Variants in PIK3CA observed in about 807,000 individuals in gnomAD.
PIK3CA encodes phosphatidylinositol-4,5-bisphosphate 3-kinase catalytic subunit alpha.
In PIK3CA, 27 loss-of-function variants were observed where a neutral mutation model predicts 138.2. That is an observed-to-expected ratio of 0.20 (90% CI 0.14 to 0.27). PIK3CA has a LOEUF of 0.27. Among genes scored for constraint, PIK3CA ranks in the 10% least tolerant of loss-of-function variants. The pLI is 1.00. For missense variants in PIK3CA, 544 were observed against 1,277.4 expected (o/e 0.43, Z 8.75); for synonymous variants, 358 against 413.2 (o/e 0.87, Z 1.62).
intron 1 of PIK3CA, among the ~76,000 whole-genome samples, chr3:179,195,214 A>G (rs942286382): frequency 6.6e-6 from 1 of 151,568 alleles, no homozygotes. Flanking sequence ...TTAGCACTTG[A>G]AATCTAACTT....
At chr3:179,205,809 G>A (rs1260373024) in intron 6 of PIK3CA, among the ~76,000 whole-genome samples, 3 of 152,142 alleles carry the variant, frequency 2.0e-5, no homozygotes, top group Non-Finnish European at 4.4e-5. Context: ...ATTGTTATTG[G>A]ACTTTATGAT....
chr3:179,170,879 C>T (rs1487086220), intron 1 of PIK3CA, among the ~76,000 whole-genome samples: 1 of 152,152 alleles, frequency 6.6e-6, no homozygotes, highest in African/African-American at 2.4e-5. Flanking sequence ...CTTCTCTCAA[C>T]AGTTGATAGG....
At chr3:179,201,957 G>A (rs746461136) in intron 4 of PIK3CA, among the ~76,000 whole-genome samples, 17 of 152,150 alleles carry the variant, frequency 1.1e-4, no homozygotes, top group African/African-American at 1.9e-4. Flanking sequence ...AGTAAATAGC[G>A]TTTGTAAGCT....
intron 9 of PIK3CA, among the ~76,000 whole-genome samples, chr3:179,212,538 AG>A (rs1277228986): frequency 2.0e-5 from 3 of 151,762 alleles, no homozygotes; most frequent in Non-Finnish European, 4.4e-5. Flanking sequence ...TGGGAGATGG[AG>A]GTTGCAGTGA....
Position 179,234,199 on chromosome 3 carries a change from A to G in PIK3CA, c.3042A>G (p.Gln1014=), listed in dbSNP as rs527991739. ...TTGGCTCTGGAATGCCAGAACTACA[A>G]TCTTTTGATGACATTGCATACATTC... ...MMLGSGMPEL[Q]SFDDIAYIRK... Residue 1014 remains glutamine (Q), a synonymous_variant, in exon 21 of 21, where the codon CAA becomes CAG. Coordinates refer to ENST00000263967, the MANE Select transcript of PIK3CA (RefSeq NM_006218.4). The surrounding 1 kb of genome is among the most constrained non-coding windows in gnomAD (Gnocchi z 5.1). 2.7e-5 allele frequency: 44 copies of G among 1,613,772 alleles called. No homozygotes were observed. The highest frequency in any genetic ancestry group is 1.9e-4 in the South Asian group (17 of 91,060).
chr3:179,212,287 C>T (rs1207755467), intron 9 of PIK3CA, among the ~76,000 whole-genome samples: 18 of 146,302 alleles, frequency 1.2e-4, no homozygotes, highest in Non-Finnish European at 2.1e-4. Context: ...GGATTACAGG[C>T]GTGAGCCACC....
rs535120382 is a variant in PIK3CA at position 179,177,096 on chromosome 3, C to G, written c.-76-21654C>G. On this transcript the variant is annotated intron_variant, in intron 1 of 20. Coordinates refer to ENST00000263967, the MANE Select transcript of PIK3CA (RefSeq NM_006218.4). ...TTTCTGAAAACTTTGTATTTATAGC[C>G]TTTTAAAATTCTTATTGACTTGCCT... Among the ~76,000 whole-genome samples the G allele has an allele frequency of 2.0e-3, 310 of 152,068 alleles. 2 individuals carry two copies. The highest frequency in any genetic ancestry group is 3.4e-3 in the Middle Eastern group (1 of 294).
chr3:179,194,534 A>G (rs1349794076), intron 1 of PIK3CA, among the ~76,000 whole-genome samples: 1 of 152,192 alleles, frequency 6.6e-6, no homozygotes, highest in Admixed American at 6.5e-5. Flanking sequence ...TCTCCTTTTT[A>G]CTAACGGTGT....
At chr3:179,158,032 C>G (rs1723182852) in intron 1 of PIK3CA, among the ~76,000 whole-genome samples, 1 of 152,032 alleles carries the variant, frequency 6.6e-6, no homozygotes, top group Non-Finnish European at 1.5e-5. Context: ...AGAGTAAGAA[C>G]CATGTTACAT....
At chr3:179,165,565 G>C (rs1296552061) in intron 1 of PIK3CA, among the ~76,000 whole-genome samples, 1 of 152,088 alleles carries the variant, frequency 6.6e-6, no homozygotes, top group East Asian at 1.9e-4. Flanking sequence ...CCTGGAACCT[G>C]AATTTTAATA....
chr3:179,161,292 G>T (rs755089450), intron 1 of PIK3CA, among the ~76,000 whole-genome samples: 2 of 152,212 alleles, frequency 1.3e-5, no homozygotes, highest in Non-Finnish European at 2.9e-5. Context: ...GGCAAAGGGG[G>T]TAACAGAAAC....
chr3:179,166,268 G>T (rs991134298), intron 1 of PIK3CA, among the ~76,000 whole-genome samples: 1 of 152,110 alleles, frequency 6.6e-6, no homozygotes, highest in South Asian at 2.1e-4. Flanking sequence ...AAGAAATCTG[G>T]CTTCTTTTCT....
chr3:179,163,202 A>T (rs1487833381), intron 1 of PIK3CA, among the ~76,000 whole-genome samples: 1 of 152,236 alleles, frequency 6.6e-6, no homozygotes, highest in Non-Finnish European at 1.5e-5. Context: ...ATTTCATCTT[A>T]CATACCAAAA....
In PIK3CA at chr3:179,230,470, G is replaced by A. The variant is rs1279396141; in HGVS notation, c.2936+94G>A. 9.0e-7 allele frequency: 1 copy of A among 1,111,796 alleles called. No individual in the cohort carries two copies. Among genetic ancestry groups the A allele is most frequent in the African/African-American group, 1.6e-5 (1 of 63,208 alleles). The allele number at this position is 1,111,796 out of a possible 1,614,324, so 68.9% of individuals were successfully genotyped here. A position where few individuals can be genotyped will look rare whatever the true frequency, so the allele number is the denominator to read the frequency against. On this transcript the variant is annotated intron_variant, in intron 20 of 20. Coordinates refer to ENST00000263967, the MANE Select transcript of PIK3CA (RefSeq NM_006218.4). The surrounding 1 kb of genome is among the most constrained non-coding windows in gnomAD (Gnocchi z 5.4). ...TTCAAGCAATTTCAAAATAATAAATGTTGGCTGGGTGTGGTGGTTCATGCC... is the reference window on the plus strand; with the variant it reads ...TTCAAGCAATTTCAAAATAATAAATATTGGCTGGGTGTGGTGGTTCATGCC...
intron 1 of PIK3CA, among the ~76,000 whole-genome samples, chr3:179,194,497 G>T (rs938326515): frequency 6.6e-6 from 1 of 152,124 alleles, no homozygotes; most frequent in Non-Finnish European, 1.5e-5. Context: ...GGGATTACAG[G>T]TGTGAGCCAC....
At chr3:179,216,948 T>G (rs1724849201) in intron 9 of PIK3CA, among the ~76,000 whole-genome samples, 1 of 152,166 alleles carries the variant, frequency 6.6e-6, no homozygotes, top group Non-Finnish European at 1.5e-5. Context: ...CATAATAATC[T>G]TTATGAAATA....
At position 179,239,600 on chromosome 3, in the gene PIK3CA, A is replaced by T. The variant is rs1351542400; in HGVS notation, c.*5236A>T. 5 of 232,340 alleles carry T rather than the reference A, an allele frequency of 2.2e-5. No homozygotes were observed. The highest frequency in any genetic ancestry group is 3.4e-5 in the Non-Finnish European group (4 of 118,214). The allele number at this position is 232,340 out of a possible 1,614,324, so 14.4% of individuals were successfully genotyped here. On this transcript the variant is annotated 3_prime_UTR_variant, in exon 21 of 21. Coordinates refer to ENST00000263967, the MANE Select transcript of PIK3CA (RefSeq NM_006218.4). ...CAGTGTGATTCAGTCCTCAGACCTA[A>T]TTGGGTTGAATAAAATCTAAAAGAA...
chr3:179,221,776 C>T (rs1724974743), intron 14 of PIK3CA, among the ~76,000 whole-genome samples: 1 of 125,610 alleles, frequency 8.0e-6, no homozygotes, highest in Admixed American at 1.1e-4. Flanking sequence ...GGTGCAATTT[C>T]GGCTCACTGC....
intron 1 of PIK3CA, among the ~76,000 whole-genome samples, chr3:179,180,730 CAATT>C (rs906780131): frequency 3.9e-5 from 6 of 151,952 alleles, no homozygotes; most frequent in Non-Finnish European, 7.4e-5. Flanking sequence ...ACAAATGAAA[CAATT>C]AAAGGAGGCC....
Sources: gnomAD v4.1 joint callset for allele counts (sites outside exome capture counted in the v4.1 genomes callset) on GRCh38, gnomAD v4.1.1 for gene constraint, Gnocchi (gnomAD v3.1) non-coding constraint, MANE v1.5 for transcripts, NCBI Gene and HGNC (gene_info 2026-07-23, HGNC 2026-07-21) for gene names.